Variants in KCNQ1 observed in about 807,000 individuals in gnomAD.
KCNQ1 encodes potassium voltage-gated channel subfamily KQT member 1.
A neutral mutation model predicts 72.4 loss-of-function variants in KCNQ1; 49 were observed. The ratio of observed to expected loss-of-function variants is 0.68; its 90% confidence interval spans 0.54 to 0.86. The LOEUF (loss-of-function observed/expected upper bound fraction) is 0.86, where lower values mean the gene tolerates loss of function less well. Among genes scored for constraint, KCNQ1 ranks in the 40% least tolerant of loss-of-function variants. KCNQ1 has a pLI of 0.00. For missense variants in KCNQ1, 790 were observed against 945.1 expected, an observed-to-expected ratio of 0.84 and a Z score of 2.15; for synonymous variants, 450 against 412.6, an observed-to-expected ratio of 1.09 and a Z score of -1.10.
rs553455489 is a variant in KCNQ1, at chr11:2,603,704, T to C, written c.1393+14850T>C. Among the ~76,000 whole-genome samples the C allele has an allele frequency of 1.1e-4, 16 of 152,236 alleles. No homozygotes were observed. The highest frequency in any genetic ancestry group is 4.2e-4 in the South Asian group (2 of 4,808). On this transcript the variant is annotated intron_variant, in intron 10 of 15. Coordinates refer to ENST00000155840, the MANE Select transcript of KCNQ1 (RefSeq NM_000218.3). The surrounding 1 kb of genome is among the most constrained non-coding windows in gnomAD (Gnocchi z 4.1). ...TTGTGCTTCAGTGCTTCTTTTTTTT[T>C]CCCCGAGACAGAGTCTCCCTCTGTC...
chr11:2,830,345 G>T lies in KCNQ1; in HGVS notation c.1795-17422G>T, dbSNP rs1195197068. Among the ~76,000 whole-genome samples, 1 of 152,058 alleles carries T rather than the reference G, an allele frequency of 6.6e-6. No homozygotes were observed. Among genetic ancestry groups the T allele is most frequent in the Non-Finnish European group, 1.5e-5 (1 of 67,992 alleles). ...GACAGAGGGATCTGGGCTCTTCCCTGGGCAGGCATCCCAGAGCTATGACCT... is the reference window on the plus strand; with the variant it reads ...GACAGAGGGATCTGGGCTCTTCCCTTGGCAGGCATCCCAGAGCTATGACCT... On this transcript the variant is annotated intron_variant, in intron 15 of 15. Transcript: ENST00000155840. This position sits in a 1 kb window ranked among gnomAD's most constrained non-coding sequence, Gnocchi z 7.7.
intron 15 of KCNQ1, among the ~76,000 whole-genome samples, chr11:2,834,981 C>T (rs1158166077): frequency 6.6e-6 from 1 of 152,084 alleles, no homozygotes; most frequent in Non-Finnish European, 1.5e-5. Flanking sequence ...CAGGCCTGGC[C>T]TCCAACCTGG....
chr11:2,535,908 TCTG>T (rs1301998119), intron 2 of KCNQ1, among the ~76,000 whole-genome samples: 7 of 152,190 alleles, frequency 4.6e-5, no homozygotes, highest in African/African-American at 1.7e-4. Flanking sequence ...CCTCCAGTGT[TCTG>T]CTTCAGGGTG....
chr11:2,796,582 A>G (rs1420922036), intron 15 of KCNQ1, among the ~76,000 whole-genome samples: 1 of 152,150 alleles, frequency 6.6e-6, no homozygotes, highest in Non-Finnish European at 1.5e-5. Flanking sequence ...GGGAAGGAAA[A>G]CGTGCCCCGA....
chr11:2,542,329 A>G (rs2157762), intron 2 of KCNQ1, among the ~76,000 whole-genome samples: 40,954 of 152,202 alleles, frequency 0.27, 6,037 homozygotes, highest in African/African-American at 0.39. Context: ...AGGAAGTGCT[A>G]GGGGAAGCCG....
chr11:2,613,470 T>C lies in KCNQ1; in HGVS notation c.1393+24616T>C. 2 of 398,608 alleles carry C rather than the reference T, an allele frequency of 5.0e-6. No individual in the cohort carries two copies. The highest frequency in any genetic ancestry group is 8.8e-6 in the Non-Finnish European group (2 of 226,088). The allele number at this position is 398,608 out of a possible 1,614,324, so 24.7% of individuals were successfully genotyped here. On this transcript the variant is annotated intron_variant, in intron 10 of 15. Transcript: ENST00000155840. This position sits in a 1 kb window ranked among gnomAD's most constrained non-coding sequence, Gnocchi z 4.8. ...AATTCAAAATCAGATGAGCCTTCTT[T>C]GTTGCTGGTCCTCAAGCCTACCGTG...
rs1846883063 is a variant in KCNQ1 at position 2,784,854 on chromosome 11, A to G, written c.1794+6817A>G. On this transcript the variant is annotated intron_variant, in intron 15 of 15. Transcript: ENST00000155840. This position sits in a 1 kb window ranked among gnomAD's most constrained non-coding sequence, Gnocchi z 4.7. The stretch of plus-strand genomic sequence containing the variant: ...TGTTCATTACTAGTATATAGAAGTA[A>G]CATTAAATTTTTATATCAATCTTGT... 6.6e-6 allele frequency among the ~76,000 whole-genome samples: 1 copy of G among 152,022 alleles called. No individual in the cohort carries two copies. Among genetic ancestry groups the G allele is most frequent in the Non-Finnish European group, 1.5e-5 (1 of 67,860 alleles).
intron 15 of KCNQ1, among the ~76,000 whole-genome samples, chr11:2,841,792 G>C (rs1848218460): frequency 1.3e-5 from 2 of 152,226 alleles, no homozygotes; most frequent in African/African-American, 4.8e-5. Context: ...GAGGCCCTTG[G>C]GGGGCCAAGC....
chr11:2,777,698 G>A (rs1285902419), intron 14 of KCNQ1: 1 of 601,928 alleles, frequency 1.7e-6, no homozygotes, highest in Non-Finnish European at 3.0e-6. Flanking sequence ...ACAGCTGGCA[G>A]TGTGGCCAGC....
In KCNQ1 at chr11:2,698,316, C is replaced by A; in HGVS notation, c.1514+36235C>A. ...GAATTATTCTCTTTCATAACCAGAA[C>A]AGTGCTGTGGGAAGGCACTCTTACT... is the stretch of plus-strand genomic sequence containing the variant. On this transcript the variant is annotated intron_variant, in intron 11 of 15. Transcript: ENST00000155840. This position sits in a 1 kb window ranked among gnomAD's most constrained non-coding sequence, Gnocchi z 5.1. 2.5e-6 allele frequency: 1 copy of A among 398,630 alleles called. No individual in the cohort carries two copies. Among genetic ancestry groups the A allele is most frequent in the Non-Finnish European group, 4.4e-6 (1 of 226,062 alleles). The allele number at this position is 398,630 out of a possible 1,614,324, so 24.7% of individuals were successfully genotyped here. A position where few individuals can be genotyped will look rare whatever the true frequency, so the allele number is the denominator to read the frequency against.
chr11:2,798,540 G>A (rs556157592), intron 15 of KCNQ1, among the ~76,000 whole-genome samples: 18 of 138,604 alleles, frequency 1.3e-4, no homozygotes, highest in African/African-American at 3.7e-4. Context: ...AAATTATGCC[G>A]AGTTCCCTGA....
chr11:2,543,693 C>G lies in KCNQ1; in HGVS notation c.477+15675C>G, dbSNP rs79497294. Among the ~76,000 whole-genome samples, 1,940 of 152,290 alleles carry G rather than the reference C, an allele frequency of 0.013. 46 individuals carry two copies. Among genetic ancestry groups the G allele is most frequent in the African/African-American group, 0.045 (1,869 of 41,542 alleles). On this transcript the variant is annotated intron_variant, in intron 2 of 15. Transcript: ENST00000155840. This position sits in a 1 kb window ranked among gnomAD's most constrained non-coding sequence, Gnocchi z 5.6. Reference sequence around the variant, plus strand: ...TTAGGAAATGCTTACCAAACACACTCTTACTAAGATTTTCTGCTAGTAGTT... The same window carrying G: ...TTAGGAAATGCTTACCAAACACACTGTTACTAAGATTTTCTGCTAGTAGTT...
intron 2 of KCNQ1, among the ~76,000 whole-genome samples, chr11:2,545,771 T>C (rs1436971161): frequency 6.6e-6 from 1 of 152,180 alleles, no homozygotes; most frequent in Admixed American, 6.5e-5. Context: ...AAAGAATATG[T>C]TCATTTCATC....
intron 11 of KCNQ1, chr11:2,680,691 C>T (rs897826748): frequency 2.5e-6 from 1 of 398,532 alleles, no homozygotes; most frequent in South Asian, 1.3e-4. Context: ...AAGAATCCCT[C>T]ATGTCCCCCT....
chr11:2,629,817 T>G (rs1021934871), intron 10 of KCNQ1: 1 of 393,778 alleles, frequency 2.5e-6, no homozygotes, highest in Non-Finnish European at 4.5e-6. Flanking sequence ...TTCTAACAGG[T>G]TTTTTTTGTG....
chr11:2,512,544 A>G (rs1450346455), intron 1 of KCNQ1, among the ~76,000 whole-genome samples: 1 of 152,212 alleles, frequency 6.6e-6, no homozygotes. Context: ...GCATGGGGCC[A>G]GCAGGGTGTG....
chr11:2,571,465 C>A, intron 4 of KCNQ1, 62 bp downstream of exon 4: 1 of 1,410,566 alleles, frequency 7.1e-7, no homozygotes, highest in Non-Finnish European at 9.9e-7. Context: ...CCTCCTGAGC[C>A]GCGGGTGGTC....
intron 11 of KCNQ1, among the ~76,000 whole-genome samples, chr11:2,718,137 T>C (rs959492745): frequency 2.0e-5 from 3 of 152,172 alleles, no homozygotes; most frequent in Non-Finnish European, 2.9e-5. Flanking sequence ...TTTGAGGCCC[T>C]CCCTGCCCTC....
At chr11:2,833,090 G>A (rs1464903763) in intron 15 of KCNQ1, among the ~76,000 whole-genome samples, 3 of 152,294 alleles carry the variant, frequency 2.0e-5, no homozygotes, top group East Asian at 3.9e-4. Context: ...TGGCAGCATC[G>A]TCCATGGTTA....
Sources: gnomAD v4.1 joint callset for allele counts (sites outside exome capture counted in the v4.1 genomes callset) on GRCh38, gnomAD v4.1.1 for gene constraint, Gnocchi (gnomAD v3.1) non-coding constraint, MANE v1.5 for transcripts, NCBI Gene and HGNC (gene_info 2026-07-23, HGNC 2026-07-21) for gene names.